TUBB8: variants seen among roughly 807,000 people sequenced by gnomAD.
The protein encoded by TUBB8 is tubulin beta-8 chain.
Under a neutral mutation model 33.7 loss-of-function variants are expected in TUBB8, and 25 were observed. The ratio of observed to expected loss-of-function variants is 0.74; its 90% CI spans 0.54 to 1.04. The LOEUF is 1.04. Among genes scored for constraint, TUBB8 ranks in the 50% least tolerant of loss-of-function variants. The pLI, the probability that TUBB8 is intolerant of heterozygous loss-of-function variation, is 0.00. For missense variants in TUBB8, 279 were observed against 608.0 expected (o/e 0.46, Z 5.69); for synonymous variants, 245 against 240.1 (o/e 1.02, Z -0.19).
rs150779790 is a variant in TUBB8, at chr10:47,966, C to T, written c.426G>A (p.Gly142=). 3.3e-5 allele frequency: 53 copies of T among 1,614,086 alleles called. No homozygotes were observed. In the South Asian group the frequency reaches 4.0e-4, roughly 12 times the overall value. The change falls in exon 4 of 4, where the codon GGG becomes GGA. Residue 142 remains glycine, a synonymous_variant. Coordinates refer to ENST00000568584, the MANE Select transcript of TUBB8 (RefSeq NM_177987.3). ...GAAGGGTACCCATCCCAGACCCAGT[C>T]CCCCCACCCAGGGAGTGGGTCAGCT... ...GFQLTHSLGG[G]TGSGMGTLLL...
chr10:50,471 T>G (rs1431203638), upstream of TUBB8, among the ~76,000 whole-genome samples: 9 of 152,202 alleles, frequency 5.9e-5, no homozygotes, highest in Non-Finnish European at 1.2e-4. Context: ...TCATTGGCCC[T>G]TTCAGTGCAG....
At chr10:61,134 G>A (rs1834597067) in intron 1 of TUBB8, among the ~76,000 whole-genome samples, 1 of 151,286 alleles carries the variant, frequency 6.6e-6, no homozygotes, top group South Asian at 2.1e-4. Context: ...TAGATGACGA[G>A]TTAGTGGGTG....
upstream of TUBB8, among the ~76,000 whole-genome samples, chr10:52,376 C>G (rs141644947): frequency 2.6e-5 from 4 of 152,184 alleles, no homozygotes; most frequent in East Asian, 1.9e-4. Flanking sequence ...GGTCCTGACA[C>G]AGACCACAAA....
upstream of TUBB8, among the ~76,000 whole-genome samples, chr10:75,862 G>A (rs1238998024): frequency 6.6e-6 from 1 of 151,980 alleles, no homozygotes; most frequent in Non-Finnish European, 1.5e-5. Flanking sequence ...GCACTGGCCA[G>A]GCGAGATGGC....
rs1554738143 is a variant in TUBB8, at chr10:47,497, T to C, written c.895A>G (p.Met299Val). 3.7e-6 allele frequency: 6 copies of C among 1,612,180 alleles called. No individual in the cohort carries two copies. The highest frequency in any genetic ancestry group is 5.1e-6 in the Non-Finnish European group (6 of 1,180,030). ...TGACGGGGGTCACAGGCAGCCATCA[T>C]GTTCTTAGCATCAAACATCTGCTGG... ...LTQQMFDAKN[M>V]MAACDPRHGR... is the part of the protein sequence containing the mutation. Residue 299 changes from methionine to valine, a missense_variant, in exon 4 of 4, where the codon ATG becomes GTG. Coordinates refer to ENST00000568584, the MANE Select transcript of TUBB8 (RefSeq NM_177987.3).
At chr10:48,204 G>A (rs1277235339) in intron 3 of TUBB8, 90 bp from the exon 4 acceptor site, 11 of 1,035,766 alleles carry the variant, frequency 1.1e-5, no homozygotes, top group Admixed American at 7.9e-5. Context: ...AGCGTCACAC[G>A]TGAGGTGAGA....
At position 49,273 on chromosome 10, in the gene TUBB8, GAGA is replaced by G. The variant is rs782578662; in HGVS notation, c.-38_-36del. The G allele has an allele frequency of 6.4e-5, 101 of 1,569,022 alleles. 1 individual carries two copies. Among genetic ancestry groups the G allele is most frequent in the African/African-American group, 5.8e-4 (43 of 73,806 alleles). On this transcript the variant is annotated 5_prime_UTR_variant, in exon 1 of 4. Transcript: ENST00000568584. ...GGGATTAGGACGGCAGGAGAAACGTGAGAAGGAGGAGCAGACGCGCAGCGACCC... is the reference window on the plus strand; with the variant it reads ...GGGATTAGGACGGCAGGAGAAACGTGAGGAGGAGCAGACGCGCAGCGACCC...
intron 1 of TUBB8, among the ~76,000 whole-genome samples, chr10:67,880 C>T (rs1169236851): frequency 2.6e-5 from 4 of 152,198 alleles, no homozygotes; most frequent in Non-Finnish European, 5.9e-5. Context: ...AAAGATCCTC[C>T]CACCTCAGCC....
chr10:66,708 A>G (rs533111365), intron 1 of TUBB8, among the ~76,000 whole-genome samples: 1 of 152,380 alleles, frequency 6.6e-6, no homozygotes, highest in South Asian at 2.1e-4. Context: ...ATGGTAGCTG[A>G]CACCTGTAAT....
intron 1 of TUBB8, among the ~76,000 whole-genome samples, chr10:72,435 G>A (rs1280661747): frequency 2.6e-5 from 4 of 151,544 alleles, no homozygotes; most frequent in Middle Eastern, 3.4e-3. Flanking sequence ...ATGCAGGCCT[G>A]GAATCCCAGC....
upstream of TUBB8, among the ~76,000 whole-genome samples, chr10:75,846 C>T (rs747876130): frequency 2.2e-4 from 34 of 151,910 alleles, no homozygotes; most frequent in Non-Finnish European, 4.6e-4. Flanking sequence ...AGCCTTAAAA[C>T]ACCAAGCACT....
At chr10:58,434 T>A (rs1267345133) in intron 1 of TUBB8, among the ~76,000 whole-genome samples, 3 of 152,190 alleles carry the variant, frequency 2.0e-5, no homozygotes, top group African/African-American at 4.8e-5. Flanking sequence ...TTTTTCCCCA[T>A]CACTATAAAT....
rs145405488 is a variant in TUBB8 at position 48,064 on chromosome 10, C to T, written c.328G>A (p.Ala110Thr). 8.6e-4 allele frequency: 1,381 copies of T among 1,605,838 alleles called. No individual in the cohort carries two copies. In the African/African-American group the frequency reaches 0.018, roughly 21 times the overall value. Residue 110 changes from alanine (A) to threonine (T), a missense_variant, in exon 4 of 4, where the codon GCG (alanine) becomes ACG (threonine). Around this residue, in one of 4 missense-constraint regions of TUBB8, gnomAD observed 96 missense variants for 233.7 expected, o/e 0.41. Coordinates refer to ENST00000568584, the MANE Select transcript of TUBB8 (RefSeq NM_177987.3). ...NWAKGHYTEG[A>T]ELMESVMDVV... ...TCCATCACTGACTCCATCAGCTCCG[C>T]GCCTTCGGTGTAGTGTCCCTTGGCC...
intron 1 of TUBB8, among the ~76,000 whole-genome samples, chr10:69,623 A>G (rs1329848107): frequency 6.6e-6 from 1 of 152,142 alleles, no homozygotes; most frequent in Non-Finnish European, 1.5e-5. Flanking sequence ...TAATTACTGA[A>G]ATTTAATAAG....
rs542762371 is a variant in TUBB8, at chr10:54,815, T to C, written c.-845-4582A>G. 5.0e-3 allele frequency among the ~76,000 whole-genome samples: 767 copies of C among 152,292 alleles called. 2 individuals carry two copies. The highest frequency in any genetic ancestry group is 0.017 in the African/African-American group (722 of 41,562). On this transcript the variant is annotated intron_variant, in intron 1 of 3. Coordinates refer to the TUBB8 transcript ENST00000564130. Reference sequence around the variant, plus strand: ...GCTCTGTCACCCAGGCTGGAGTGCATTGGTATGATCTCGGTTCACTGCAAC... The same window carrying C: ...GCTCTGTCACCCAGGCTGGAGTGCACTGGTATGATCTCGGTTCACTGCAAC...
chr10:63,557 C>T (rs1834629934), intron 1 of TUBB8, among the ~76,000 whole-genome samples: 1 of 152,150 alleles, frequency 6.6e-6, no homozygotes, highest in Non-Finnish European at 1.5e-5. Context: ...CTATCTTCTC[C>T]TTGATCAATT....
At chr10:49,575 G>C (rs1263447752), upstream of TUBB8, 4 of 558,276 alleles carry the variant, frequency 7.2e-6, no homozygotes, top group Non-Finnish European at 1.4e-5. Flanking sequence ...GGGAGGGGAA[G>C]ACTCTTGTTT....
upstream of TUBB8, among the ~76,000 whole-genome samples, chr10:51,831 C>A (rs1183391366): frequency 6.6e-6 from 1 of 152,180 alleles, no homozygotes; most frequent in East Asian, 1.9e-4. Context: ...ATTATCTTTG[C>A]CAACTAGAAA....
chr10:70,579 C>A (rs1183982046), intron 1 of TUBB8, among the ~76,000 whole-genome samples: 1 of 152,088 alleles, frequency 6.6e-6, no homozygotes, highest in Non-Finnish European at 1.5e-5. Context: ...TTGGCTCATG[C>A]CTGTAATCAC....
Sources: gnomAD v4.1 joint callset for allele counts (sites outside exome capture counted in the v4.1 genomes callset) on GRCh38, gnomAD v4.1.1 for gene constraint, gnomAD v4.1.1 regional missense constraint, MANE v1.5 for transcripts, NCBI Gene and HGNC (gene_info 2026-07-23, HGNC 2026-07-21) for gene names.